The following KIAA1328 variants were observed in gnomAD, a reference collection of about 807,000 sequenced individuals.
The protein encoded by KIAA1328 is KIAA1328, also known as protein hinderin.
A neutral mutation model predicts 68.1 loss-of-function variants in KIAA1328; 52 were observed. The ratio of observed to expected loss-of-function variants is 0.76; its 90% CI spans 0.61 to 0.96. The LOEUF (loss-of-function observed/expected upper bound fraction) is 0.96. Among genes scored for constraint, KIAA1328 ranks in the 40% least tolerant of loss-of-function variants. The pLI is 0.00. For synonymous variants in KIAA1328, 232 were observed against 239.4 expected (o/e 0.97, Z 0.28); for missense variants, 641 against 677.6 (o/e 0.95, Z 0.60).
intron 6 of KIAA1328, among the ~76,000 whole-genome samples, chr18:37,021,909 G>A (rs1305442065): frequency 4.6e-5 from 7 of 151,910 alleles, no homozygotes; most frequent in Non-Finnish European, 7.4e-5. Context: ...ACATGGTGGC[G>A]GGTGACTGTA....
chr18:36,976,155 A>G (rs748478493), intron 6 of KIAA1328, among the ~76,000 whole-genome samples: 1 of 152,208 alleles, frequency 6.6e-6, no homozygotes, highest in Admixed American at 6.5e-5. Flanking sequence ...TTGATATATG[A>G]CTGATGAGAC....
At chr18:36,935,105 A>AT (rs2050453051) in intron 5 of KIAA1328, among the ~76,000 whole-genome samples, 1 of 152,254 alleles carries the variant, frequency 6.6e-6, no homozygotes, top group African/African-American at 2.4e-5. Flanking sequence ...GGCTTGCCAA[A>AT]TTATCCAGGC....
At chr18:37,034,267 C>A (rs984954326) in intron 6 of KIAA1328, among the ~76,000 whole-genome samples, 6 of 152,050 alleles carry the variant, frequency 3.9e-5, no homozygotes, top group African/African-American at 1.4e-4. Context: ...AGGTATATAA[C>A]CTCCTGGGCC....
intron 5 of KIAA1328, among the ~76,000 whole-genome samples, chr18:36,947,740 CAACAT>C (rs1556832280): frequency 6.6e-6 from 1 of 152,124 alleles, no homozygotes; most frequent in Non-Finnish European, 1.5e-5. Flanking sequence ...GGAGGATTCT[CAACAT>C]AATGTAGATT....
chr18:37,229,054 C>T (rs1339389285), downstream of KIAA1328, among the ~76,000 whole-genome samples: 19 of 152,064 alleles, frequency 1.2e-4, no homozygotes, highest in Non-Finnish European at 2.9e-5. Flanking sequence ...TTTATAGTGG[C>T]GATCTGGAAC....
chr18:37,098,683 G>A (rs985983374), intron 7 of KIAA1328, among the ~76,000 whole-genome samples: 1 of 152,060 alleles, frequency 6.6e-6, no homozygotes, highest in African/African-American at 2.4e-5. Flanking sequence ...GGTAGAATTC[G>A]GCTGTGAATC....
At chr18:37,216,526 T>G (rs896198532) in intron 9 of KIAA1328, among the ~76,000 whole-genome samples, 1 of 152,222 alleles carries the variant, frequency 6.6e-6, no homozygotes, top group African/African-American at 2.4e-5. Flanking sequence ...CTTTTACATT[T>G]GCTGAGGAGT....
chr18:36,984,704 G>C (rs1163350601), intron 6 of KIAA1328, among the ~76,000 whole-genome samples: 5 of 151,838 alleles, frequency 3.3e-5, no homozygotes, highest in Non-Finnish European at 7.4e-5. Flanking sequence ...TCAAGAGATC[G>C]AGGCCATCCT....
chr18:36,838,972 A>T (rs541785444), intron 3 of KIAA1328, among the ~76,000 whole-genome samples: 45 of 152,278 alleles, frequency 3.0e-4, no homozygotes, highest in African/African-American at 9.9e-4. Flanking sequence ...TGACCTCATT[A>T]TCTGCCCGCC....
At chr18:37,085,337 C>T (rs756846083) in intron 7 of KIAA1328, among the ~76,000 whole-genome samples, 2 of 152,158 alleles carry the variant, frequency 1.3e-5, no homozygotes, top group African/African-American at 2.4e-5. Context: ...TCTCTCTCTA[C>T]TGTGTTGCCA....
chr18:37,002,218 A>AT (rs202067756), intron 6 of KIAA1328, among the ~76,000 whole-genome samples: 14,511 of 119,504 alleles, frequency 0.12, 1,179 homozygotes, highest in Non-Finnish European at 0.17. Flanking sequence ...CTTTTTCTTC[A>AT]TTTTTTTTTC....
intron 4 of KIAA1328, among the ~76,000 whole-genome samples, chr18:36,860,033 A>T (rs1204521164): frequency 1.3e-5 from 2 of 150,688 alleles, no homozygotes; most frequent in Non-Finnish European, 1.5e-5. Flanking sequence ...ATTTTCTTTA[A>T]TTTTTGACAT....
At chr18:37,232,102 GT>G (rs1168195843), downstream of KIAA1328, 4 of 152,284 alleles carry the variant, frequency 2.6e-5, no homozygotes, top group South Asian at 2.1e-4. Flanking sequence ...TGCTAGAAGT[GT>G]TAAATCATTA....
At position 37,133,520 on chromosome 18, in the gene KIAA1328, T is replaced by C. The variant is rs558588353; in HGVS notation, c.1233-26680T>C. On this transcript the variant is annotated intron_variant, in intron 7 of 9. Transcript: ENST00000280020. ...ACCCCCAAAAGTCAACTTTTCTATA[T>C]AGTAATTTTTTTTTTTTTTTTTTGA... is the stretch of plus-strand genomic sequence containing the variant. 2.0e-4 allele frequency among the ~76,000 whole-genome samples: 28 copies of C among 143,186 alleles called. No homozygotes were observed. In the South Asian group the frequency reaches 5.8e-3, roughly 29 times the overall value. The allele number at this position is 143,186 out of a possible 152,430, so 93.9% of individuals were successfully genotyped here. A position where few individuals can be genotyped will look rare whatever the true frequency, so the allele number is the denominator to read the frequency against.
intron 4 of KIAA1328, among the ~76,000 whole-genome samples, chr18:36,862,998 T>A (rs1409125999): frequency 6.6e-6 from 1 of 152,188 alleles, no homozygotes; most frequent in Non-Finnish European, 1.5e-5. Flanking sequence ...GCCCCATTTC[T>A]TATTGCAATT....
chr18:37,128,969 C>A (rs1274691540), intron 7 of KIAA1328, among the ~76,000 whole-genome samples: 1 of 152,050 alleles, frequency 6.6e-6, no homozygotes, highest in Non-Finnish European at 1.5e-5. Flanking sequence ...ACTATGCAGA[C>A]AGAAAACAGA....
intron 7 of KIAA1328, among the ~76,000 whole-genome samples, chr18:37,091,021 G>T (rs1024407726): frequency 6.6e-6 from 1 of 152,028 alleles, no homozygotes; most frequent in Non-Finnish European, 1.5e-5. Context: ...GAATATAGAC[G>T]TTCTCTTGAA....
chr18:37,003,498 C>A (rs1238661693), intron 6 of KIAA1328, among the ~76,000 whole-genome samples: 1 of 152,012 alleles, frequency 6.6e-6, no homozygotes, highest in African/African-American at 2.4e-5. Flanking sequence ...AGGAAAAAAA[C>A]TTGTATTAGA....
chr18:37,076,400 A>G (rs1428710250), intron 7 of KIAA1328, among the ~76,000 whole-genome samples: 1 of 151,946 alleles, frequency 6.6e-6, no homozygotes, highest in Non-Finnish European at 1.5e-5. Context: ...CAAAATTGAC[A>G]CCCTAACATC....
Sources: gnomAD v4.1 joint callset for allele counts (sites outside exome capture counted in the v4.1 genomes callset) on GRCh38, gnomAD v4.1.1 for gene constraint, MANE v1.5 for transcripts, NCBI Gene and HGNC (gene_info 2026-07-23, HGNC 2026-07-21) for gene names.